LRRC49: variants seen among roughly 807,000 people sequenced by gnomAD.
LRRC49 encodes the protein leucine-rich repeat-containing protein 49.
In LRRC49, 50 loss-of-function variants were observed where a neutral mutation model predicts 83.3. The observed-to-expected ratio is 0.60, with a 90% CI of 0.48 to 0.76. The LOEUF is 0.76. Among genes scored for constraint, LRRC49 ranks in the 30% least tolerant of loss-of-function variants. The pLI, the probability that LRRC49 is intolerant of heterozygous loss-of-function variation, is 0.00. For missense variants in LRRC49, 704 were observed against 809.1 expected (o/e 0.87, Z 1.58); for synonymous variants, 286 against 283.3 (o/e 1.01, Z -0.10).
chr15:70,958,967 C>T (rs1361100833), intron 8 of LRRC49, among the ~76,000 whole-genome samples: 2 of 152,114 alleles, frequency 1.3e-5, no homozygotes, highest in African/African-American at 2.4e-5. Flanking sequence ...ATTTTCTATA[C>T]CATGAATATT....
intron 7 of LRRC49, among the ~76,000 whole-genome samples, chr15:70,921,870 T>G (rs1157405143): frequency 6.6e-6 from 1 of 152,156 alleles, no homozygotes; most frequent in African/African-American, 2.4e-5. Flanking sequence ...ACAGACACCT[T>G]CTCTGATGTT....
intron 2 of LRRC49, chr15:70,881,691 C>A (rs2033267608): frequency 6.6e-6 from 1 of 152,090 alleles, no homozygotes; most frequent in Non-Finnish European, 1.5e-5. Flanking sequence ...AGAAAAAATA[C>A]CTAACACCTG....
At chr15:70,984,591 C>T (rs2037528896) in intron 11 of LRRC49, 1 of 164,812 alleles carries the variant, frequency 6.1e-6, no homozygotes, top group African/African-American at 2.4e-5. Flanking sequence ...TCTTTCAGTT[C>T]AGTTACTTCC....
At chr15:70,969,642 C>T (rs1003166563) in intron 9 of LRRC49, among the ~76,000 whole-genome samples, 2 of 152,098 alleles carry the variant, frequency 1.3e-5, no homozygotes, top group African/African-American at 2.4e-5. Flanking sequence ...TTGTTTATGT[C>T]CTCTCTTATT....
At chr15:70,991,895 T>C (rs1254210211) in intron 11 of LRRC49, among the ~76,000 whole-genome samples, 1 of 152,206 alleles carries the variant, frequency 6.6e-6, no homozygotes, top group Non-Finnish European at 1.5e-5. Flanking sequence ...ATGAGAATAA[T>C]GTTTTGGAAA....
rs549961373 is a variant in LRRC49 at position 70,994,813 on chromosome 15, G to T, written c.1169+10556G>T. The stretch of plus-strand genomic sequence containing the variant: ...AAAATCAGTTTACCTAAATAGAAAA[G>T]AAATGATGAGAATCTTGTTCAAATC... On this transcript the variant is annotated intron_variant, in intron 11 of 15. Coordinates refer to ENST00000260382, the MANE Select transcript of LRRC49 (RefSeq NM_017691.5). Among the ~76,000 whole-genome samples, 9 of 152,234 alleles carry T rather than the reference G, an allele frequency of 5.9e-5. No individual in the cohort carries two copies. In the South Asian group the frequency reaches 1.9e-3, roughly 32 times the overall value.
intron 6 of LRRC49, among the ~76,000 whole-genome samples, chr15:70,915,131 C>T (rs759440749): frequency 1.3e-5 from 2 of 152,190 alleles, no homozygotes; most frequent in Non-Finnish European, 2.9e-5. Flanking sequence ...ATGCTTGTGA[C>T]TTTGTCCATG....
chr15:71,020,079 A>G (rs1272943294), intron 14 of LRRC49, among the ~76,000 whole-genome samples: 1 of 152,222 alleles, frequency 6.6e-6, no homozygotes, highest in African/African-American at 2.4e-5. Flanking sequence ...CAAGATAAGC[A>G]TGAAAATATC....
At chr15:71,000,902 G>A (rs972918483) in intron 11 of LRRC49, among the ~76,000 whole-genome samples, 6 of 151,558 alleles carry the variant, frequency 4.0e-5, no homozygotes, top group Admixed American at 3.9e-4. Flanking sequence ...TCAACCTCTC[G>A]ATGGTAGAGT....
intron 13 of LRRC49, among the ~76,000 whole-genome samples, chr15:71,011,710 G>T (rs1266127519): frequency 6.6e-6 from 1 of 152,002 alleles, no homozygotes; most frequent in African/African-American, 2.4e-5. Flanking sequence ...GACTATATTG[G>T]ACCAAACACT....
At position 71,009,867 on chromosome 15, in the gene LRRC49, C is replaced by A; in HGVS notation, c.1468C>A (p.Leu490Ile). The A allele has an allele frequency of 6.2e-7, 1 of 1,612,590 alleles. No individual in the cohort carries two copies. Among genetic ancestry groups the A allele is most frequent in the Non-Finnish European group, 8.5e-7 (1 of 1,178,944 alleles). ...MLQQFNALAQLRRIDQLTIDP... is the reference protein window; with the variant it reads ...MLQQFNALAQIRRIDQLTIDP... ...GCAGCAATTTAACGCACTAGCCCAACTCCGTCGTATTGACCAGTTGACAAT... is the reference window on the plus strand; with the variant it reads ...GCAGCAATTTAACGCACTAGCCCAAATCCGTCGTATTGACCAGTTGACAAT... Residue 490 changes from leucine to isoleucine, a missense_variant, in exon 13 of 16, where the codon CTC becomes ATC. Coordinates refer to ENST00000260382, the MANE Select transcript of LRRC49 (RefSeq NM_017691.5).
chr15:70,892,803 C>G, upstream of LRRC49: 1 of 1,613,024 alleles, frequency 6.2e-7, no homozygotes, highest in Non-Finnish European at 8.5e-7. Flanking sequence ...AGCAGGTTGC[C>G]TGGGAGATGA....
chr15:70,884,652 T>C (rs2033357602), intron 2 of LRRC49, among the ~76,000 whole-genome samples: 1 of 152,170 alleles, frequency 6.6e-6, no homozygotes, highest in Admixed American at 6.5e-5. Flanking sequence ...TCATGACCAA[T>C]TTTCACTAGC....
intron 8 of LRRC49, among the ~76,000 whole-genome samples, chr15:70,955,934 T>C (rs2036385351): frequency 6.6e-6 from 1 of 152,240 alleles, no homozygotes; most frequent in Non-Finnish European, 1.5e-5. Context: ...GCACGCTTGA[T>C]GATTTATTCT....
chr15:70,918,894 C>T, intron 6 of LRRC49, 156 bp from the exon 7 acceptor site: 2 of 561,598 alleles, frequency 3.6e-6, no homozygotes, highest in South Asian at 5.2e-5. Context: ...TTCATGTTAT[C>T]TACAGCATAG....
chr15:70,866,036 C>G (rs2032902578), intron 1 of LRRC49, among the ~76,000 whole-genome samples: 1 of 152,098 alleles, frequency 6.6e-6, no homozygotes, highest in African/African-American at 2.4e-5. Flanking sequence ...AGACAGTAAA[C>G]TCCATGAAGG....
At chr15:70,901,838 A>G (rs1016163914) in intron 4 of LRRC49, among the ~76,000 whole-genome samples, 2 of 152,188 alleles carry the variant, frequency 1.3e-5, no homozygotes, top group African/African-American at 4.8e-5. Flanking sequence ...ATGGAAGAAT[A>G]TATTTAGAAC....
At chr15:71,038,056 G>A (rs2039579300) in intron 15 of LRRC49, among the ~76,000 whole-genome samples, 1 of 152,116 alleles carries the variant, frequency 6.6e-6, no homozygotes, top group African/African-American at 2.4e-5. Flanking sequence ...AGGGAACAAA[G>A]GGGCAAAAGA....
At chr15:70,868,645 G>T (rs895314350) in intron 1 of LRRC49, among the ~76,000 whole-genome samples, 1 of 152,212 alleles carries the variant, frequency 6.6e-6, no homozygotes, top group Non-Finnish European at 1.5e-5. Flanking sequence ...TTTCTACCAC[G>T]TTCCCGGGTG....
Sources: gnomAD v4.1 joint callset for allele counts (sites outside exome capture counted in the v4.1 genomes callset) on GRCh38, gnomAD v4.1.1 for gene constraint, MANE v1.5 for transcripts, NCBI Gene and HGNC (gene_info 2026-07-23, HGNC 2026-07-21) for gene names.